The following ADAM19 variants were observed in gnomAD, a reference collection of about 807,000 sequenced individuals.
The protein encoded by ADAM19 is ADAM metallopeptidase domain 19.
A neutral mutation model predicts 114.7 loss-of-function variants in ADAM19; 65 were observed. That is an observed-to-expected ratio of 0.57 (90% CI 0.46 to 0.70). The LOEUF is 0.70. Among genes scored for constraint, ADAM19 ranks in the 30% least tolerant of loss-of-function variants. The pLI is 0.00. For missense variants in ADAM19, 1,063 were observed against 1,204.7 expected (o/e 0.88, Z 1.74); for synonymous variants, 466 against 460.5 (o/e 1.01, Z -0.15).
chr5:157,545,585 A>G (rs1191545338), intron 3 of ADAM19, among the ~76,000 whole-genome samples: 1 of 152,196 alleles, frequency 6.6e-6, no homozygotes, highest in Non-Finnish European at 1.5e-5. Flanking sequence ...TGTAAGTTAC[A>G]GAGTCTACCG....
At chr5:157,535,755 C>A (rs562163621) in intron 4 of ADAM19, among the ~76,000 whole-genome samples, 15 of 152,358 alleles carry the variant, frequency 9.8e-5, no homozygotes, top group Non-Finnish European at 2.1e-4. Flanking sequence ...AGCTTCTCAG[C>A]CTGATGGGGC....
At chr5:157,538,500 G>C (rs1756828109) in intron 3 of ADAM19, among the ~76,000 whole-genome samples, 1 of 152,234 alleles carries the variant, frequency 6.6e-6, no homozygotes, top group Non-Finnish European at 1.5e-5. Context: ...TTCAAGCGAA[G>C]CCAGTGGAGA....
At chr5:157,520,343 G>A (rs1462059211) in intron 5 of ADAM19, among the ~76,000 whole-genome samples, 7 of 147,442 alleles carry the variant, frequency 4.7e-5, no homozygotes, top group African/African-American at 1.5e-4. Flanking sequence ...TCTCTGGACT[G>A]GGAAATCTCA....
chr5:157,567,705 A>T (rs1289522242), intron 2 of ADAM19, among the ~76,000 whole-genome samples: 1 of 152,026 alleles, frequency 6.6e-6, no homozygotes, highest in Non-Finnish European at 1.5e-5. Flanking sequence ...GCTGAGGCAG[A>T]AGAATCGCTT....
chr5:157,520,474 A>G (rs1474039341), intron 5 of ADAM19, among the ~76,000 whole-genome samples: 1 of 152,236 alleles, frequency 6.6e-6, no homozygotes, highest in African/African-American at 2.4e-5. Flanking sequence ...TCAAAACTTT[A>G]GAGACTCAGG....
chr5:157,507,819 C>T (rs1049105870), intron 9 of ADAM19, among the ~76,000 whole-genome samples: 3 of 152,072 alleles, frequency 2.0e-5, no homozygotes, highest in African/African-American at 7.3e-5. Flanking sequence ...TTATATACAT[C>T]CAGGGTAGAG....
chr5:157,485,170 C>T (rs1271276761), intron 21 of ADAM19, among the ~76,000 whole-genome samples: 1 of 152,230 alleles, frequency 6.6e-6, no homozygotes, highest in Non-Finnish European at 1.5e-5. Context: ...TTCTCATCAG[C>T]TTCACTTCAT....
chr5:157,479,770 G>C lies in ADAM19; in HGVS notation c.*1179C>G. The C allele has an allele frequency of 1.0e-6, 1 of 985,668 alleles. No homozygotes were observed. The highest frequency in any genetic ancestry group is 1.7e-5 in the African/African-American group (1 of 57,374). 61.1% of individuals were successfully genotyped at this position (985,668 alleles called of 1,614,324 possible). A position where few individuals can be genotyped will look rare whatever the true frequency, so the allele number is the denominator to read the frequency against. On this transcript the variant is annotated 3_prime_UTR_variant, in exon 23 of 23. Transcript: ENST00000257527. ...CTCCAGTGATCTCGGGCAGCTCCCAGAAATGGGTCTGTTCTCTGCTCAGAG... is the reference window on the plus strand; with the variant it reads ...CTCCAGTGATCTCGGGCAGCTCCCACAAATGGGTCTGTTCTCTGCTCAGAG...
chr5:157,494,537 A>G, intron 15 of ADAM19, 150 bp downstream of exon 15: 1 of 589,626 alleles, frequency 1.7e-6, no homozygotes, highest in Non-Finnish European at 3.0e-6. Flanking sequence ...ATTGTCAAAC[A>G]GGGGGCCGAG....
intron 5 of ADAM19, among the ~76,000 whole-genome samples, chr5:157,524,279 T>C (rs896350456): frequency 6.6e-6 from 1 of 152,288 alleles, no homozygotes; most frequent in African/African-American, 2.4e-5. Context: ...CCAGAAGGCA[T>C]GAGCTGGGGC....
chr5:157,487,114 C>T (rs1754963738), intron 21 of ADAM19, among the ~76,000 whole-genome samples: 1 of 152,142 alleles, frequency 6.6e-6, no homozygotes, highest in Admixed American at 6.5e-5. Flanking sequence ...GTTTTGAAGC[C>T]ACCCAGTGTG....
intron 14 of ADAM19, among the ~76,000 whole-genome samples, chr5:157,495,719 T>C (rs532716946): frequency 6.6e-6 from 1 of 152,220 alleles, no homozygotes; most frequent in African/African-American, 2.4e-5. Flanking sequence ...CTGCAACCTC[T>C]GCCTCCCAGT....
intron 22 of ADAM19, chr5:157,481,476 T>G (rs895316914): frequency 2.3e-6 from 2 of 877,700 alleles, no homozygotes; most frequent in Non-Finnish European, 1.7e-6. Context: ...CTGGTACTAC[T>G]GCTCATCATA....
intron 4 of ADAM19, among the ~76,000 whole-genome samples, chr5:157,532,838 GC>G (rs1489066645): frequency 6.6e-6 from 1 of 152,164 alleles, no homozygotes; most frequent in Non-Finnish European, 1.5e-5. Flanking sequence ...TTTTGGCATA[GC>G]CAGGCATATT....
At chr5:157,484,989 C>T (rs957612135) in intron 21 of ADAM19, among the ~76,000 whole-genome samples, 1 of 152,230 alleles carries the variant, frequency 6.6e-6, no homozygotes, top group African/African-American at 2.4e-5. Context: ...CCTCGCCCAG[C>T]ACTGTTTTCC....
rs563538645 is a variant in ADAM19 at position 157,480,295 on chromosome 5, C to T, written c.*654G>A. 6.6e-5 allele frequency: 65 copies of T among 985,922 alleles called. No individual in the cohort carries two copies. The highest frequency in any genetic ancestry group is 7.3e-5 in the Non-Finnish European group (61 of 830,140). 61.1% of individuals were successfully genotyped at this position (985,922 alleles called of 1,614,324 possible). ...CTCCTCCTGCTGTCTACACTGCCTA[C>T]GAATAGTACCTGTCTGAGTCAGAGT... On this transcript the variant is annotated 3_prime_UTR_variant, in exon 23 of 23. Transcript: ENST00000257527.
chr5:157,536,975 G>C (rs1206128663), intron 4 of ADAM19, among the ~76,000 whole-genome samples: 1 of 152,216 alleles, frequency 6.6e-6, no homozygotes, highest in African/African-American at 2.4e-5. Context: ...CACCAGCCCA[G>C]ACTTTGAGAA....
chr5:157,505,395 A>C (rs772923833), intron 11 of ADAM19, among the ~76,000 whole-genome samples: 5 of 152,258 alleles, frequency 3.3e-5, no homozygotes, highest in Non-Finnish European at 5.9e-5. Flanking sequence ...AAAAAGACAC[A>C]TATGGCCAAG....
At chr5:157,493,364 A>C (rs1161170259) in intron 15 of ADAM19, among the ~76,000 whole-genome samples, 187 bp from the exon 16 acceptor site, 3 of 152,194 alleles carry the variant, frequency 2.0e-5, no homozygotes, top group Non-Finnish European at 4.4e-5. Flanking sequence ...CCAAGGGAAG[A>C]GAACAGGCTC....
Sources: gnomAD v4.1 joint callset for allele counts (sites outside exome capture counted in the v4.1 genomes callset) on GRCh38, gnomAD v4.1.1 for gene constraint, MANE v1.5 for transcripts, NCBI Gene and HGNC (gene_info 2026-07-23, HGNC 2026-07-21) for gene names.